The following KCTD16 variants were observed in gnomAD, a reference collection of about 807,000 sequenced individuals.
KCTD16 encodes the protein BTB/POZ domain-containing protein KCTD16.
A neutral mutation model predicts 33.2 loss-of-function variants in KCTD16; 13 were observed. The observed-to-expected ratio is 0.39, with a 90% CI of 0.25 to 0.62. The LOEUF (loss-of-function observed/expected upper bound fraction) is 0.62. KCTD16 is among the 20% of genes least tolerant of loss of function. The pLI is 0.50. For missense variants in KCTD16, 441 were observed against 525.1 expected, an observed-to-expected ratio of 0.84 and a Z score of 1.57; for synonymous variants, 197 against 195.3, an observed-to-expected ratio of 1.01 and a Z score of -0.07.
At chr5:144,194,216 T>C (rs762268955) in intron 2 of KCTD16, among the ~76,000 whole-genome samples, 1 of 152,154 alleles carries the variant, frequency 6.6e-6, no homozygotes, top group Non-Finnish European at 1.5e-5. Context: ...TAAAGCACCA[T>C]GCTGGGACAA....
At chr5:144,348,565 C>G in intron 3 of KCTD16, among the ~76,000 whole-genome samples, 1 of 152,186 alleles carries the variant, frequency 6.6e-6, no homozygotes, top group East Asian at 1.9e-4. Flanking sequence ...TTGAGGAACT[C>G]AAATAAATTG....
chr5:144,184,364 G>T (rs1020532882), intron 2 of KCTD16, among the ~76,000 whole-genome samples: 2 of 152,020 alleles, frequency 1.3e-5, no homozygotes, highest in Non-Finnish European at 2.9e-5. Flanking sequence ...TGTCCTCAAG[G>T]TTCGTCCATG....
intron 2 of KCTD16, among the ~76,000 whole-genome samples, chr5:144,186,098 C>G (rs1752719201): frequency 6.6e-6 from 1 of 152,116 alleles, no homozygotes; most frequent in Non-Finnish European, 1.5e-5. Flanking sequence ...TTCAGAGCCT[C>G]TTCTATAATC....
intron 3 of KCTD16, among the ~76,000 whole-genome samples, chr5:144,460,117 C>G (rs1227895490): frequency 6.6e-6 from 1 of 152,134 alleles, no homozygotes; most frequent in Non-Finnish European, 1.5e-5. Flanking sequence ...CAGGCGTGAG[C>G]CACCGCACCC....
chr5:144,425,455 C>T (rs1444238904), intron 3 of KCTD16, among the ~76,000 whole-genome samples: 1 of 151,736 alleles, frequency 6.6e-6, no homozygotes, highest in African/African-American at 2.4e-5. Context: ...TCTGAAGGGC[C>T]TCAGTCTCAT....
intron 2 of KCTD16, among the ~76,000 whole-genome samples, chr5:144,189,377 T>C (rs1752793089): frequency 6.6e-6 from 1 of 151,764 alleles, no homozygotes; most frequent in Non-Finnish European, 1.5e-5. Flanking sequence ...GCGCCTGTAG[T>C]CCCAGCTGCT....
chr5:144,390,634 T>G (rs1424981634), intron 3 of KCTD16, among the ~76,000 whole-genome samples: 1 of 152,088 alleles, frequency 6.6e-6, no homozygotes, highest in Non-Finnish European at 1.5e-5. Context: ...CCCTTCAACC[T>G]GTCATCTACA....
intron 2 of KCTD16, among the ~76,000 whole-genome samples, chr5:144,177,756 T>G (rs575671809): frequency 6.6e-6 from 1 of 152,350 alleles, no homozygotes; most frequent in South Asian, 2.1e-4. Flanking sequence ...TATTTTCAAA[T>G]AAGGTCACAT....
At chr5:144,435,841 GTA>G (rs1279679393) in intron 3 of KCTD16, among the ~76,000 whole-genome samples, 11 of 150,046 alleles carry the variant, frequency 7.3e-5, no homozygotes, top group Non-Finnish European at 1.3e-4. Flanking sequence ...GTGTGTGTGT[GTA>G]TGTGTGTGTG....
At chr5:144,359,764 A>G (rs1319007455) in intron 3 of KCTD16, among the ~76,000 whole-genome samples, 1 of 151,816 alleles carries the variant, frequency 6.6e-6, no homozygotes, top group East Asian at 1.9e-4. Context: ...CCAAATGTCA[A>G]TAGGGCCAAA....
At chr5:144,465,544 C>G (rs971927224) in intron 3 of KCTD16, among the ~76,000 whole-genome samples, 4 of 152,078 alleles carry the variant, frequency 2.6e-5, no homozygotes, top group Admixed American at 1.3e-4. Context: ...ACACGATTCT[C>G]TTTTCAAACC....
intron 3 of KCTD16, among the ~76,000 whole-genome samples, chr5:144,250,985 T>C (rs576939038): frequency 9.9e-5 from 15 of 152,282 alleles, no homozygotes; most frequent in African/African-American, 3.4e-4. Context: ...TTATCTAGTC[T>C]CCTGCTCTCG....
intron 3 of KCTD16, among the ~76,000 whole-genome samples, chr5:144,381,245 A>G (rs2126931356): frequency 6.6e-6 from 1 of 152,332 alleles, no homozygotes; most frequent in South Asian, 2.1e-4. Context: ...CCACAATGAG[A>G]TACCGTCTCA....
At chr5:144,345,721 G>C (rs1426241007) in intron 3 of KCTD16, among the ~76,000 whole-genome samples, 1 of 151,988 alleles carries the variant, frequency 6.6e-6, no homozygotes, top group African/African-American at 2.4e-5. Context: ...TTTTATTTTT[G>C]TGGGTACATA....
chr5:144,473,904 G>T lies in KCTD16; in HGVS notation c.1077G>T (p.Met359Ile). 1 of 1,614,080 alleles carries T rather than the reference G, an allele frequency of 6.2e-7. No homozygotes were observed. Among genetic ancestry groups the T allele is most frequent in the Non-Finnish European group, 8.5e-7 (1 of 1,180,008 alleles). Reference sequence around the variant, plus strand: ...TCCAGCTGATCCAACAGTCAGAGATGCGGCGGAAAAGCGACTTACTCCGGA... The same window carrying T: ...TCCAGCTGATCCAACAGTCAGAGATTCGGCGGAAAAGCGACTTACTCCGGA... ...GPVQLIQQSE[M>I]RRKSDLLRTL... The change falls in exon 4 of 4, where the codon ATG becomes ATT. Residue 359 changes from methionine (M) to isoleucine (I), a missense_variant. Transcript: ENST00000512467.
At chr5:144,464,777 T>C (rs1754283044) in intron 3 of KCTD16, among the ~76,000 whole-genome samples, 1 of 151,740 alleles carries the variant, frequency 6.6e-6, no homozygotes, top group Non-Finnish European at 1.5e-5. Context: ...CTTCTTCTTC[T>C]TCCTCTTCTT....
rs555043669 is a variant in KCTD16 at position 144,197,394 on chromosome 5, G to A, written c.-326-8995G>A. Among the ~76,000 whole-genome samples, 4 of 152,260 alleles carry A rather than the reference G, an allele frequency of 2.6e-5. No homozygotes were observed. The South Asian group carries it at 6.2e-4, about 24-fold the overall frequency. ...CACATTTGGAAACAACATTTCAGGA[G>A]TAAAGAAAATTAGATATGCTACACT... On this transcript the variant is annotated intron_variant, in intron 2 of 3. Transcript: ENST00000512467.
chr5:144,448,462 A>G (rs191857198), intron 3 of KCTD16, among the ~76,000 whole-genome samples: 2 of 152,196 alleles, frequency 1.3e-5, no homozygotes, highest in Admixed American at 1.3e-4. Flanking sequence ...GTTGAGAAGG[A>G]TAAGTTACTG....
chr5:144,357,605 A>G (rs998914558), intron 3 of KCTD16, among the ~76,000 whole-genome samples: 8 of 152,232 alleles, frequency 5.3e-5, no homozygotes, highest in African/African-American at 1.9e-4. Context: ...CCAGAAACTC[A>G]CAGCTCAGTG....
Sources: gnomAD v4.1 joint callset for allele counts (sites outside exome capture counted in the v4.1 genomes callset) on GRCh38, gnomAD v4.1.1 for gene constraint, MANE v1.5 for transcripts, NCBI Gene and HGNC (gene_info 2026-07-23, HGNC 2026-07-21) for gene names.